The following AMZ1 variants were observed in gnomAD, a reference collection of about 807,000 sequenced individuals.
AMZ1 encodes the protein archaelysin family metallopeptidase 1, also known as archaemetzincin-1.
Under a neutral mutation model 29.9 loss-of-function variants are expected in AMZ1, and 39 were observed. The ratio of observed to expected loss-of-function variants is 1.30; its 90% CI spans 1.01 to 1.70. AMZ1 has a LOEUF of 1.70. Ranked by LOEUF, AMZ1 falls within the 40% of genes most tolerant of loss-of-function variation. The probability of loss-of-function intolerance (pLI) is 0.00; values close to 1 mark genes in which losing one functional copy is unlikely to be tolerated. For missense variants in AMZ1, 1,041 were observed against 680.6 expected (o/e 1.53, Z -5.89); for synonymous variants, 458 against 304.0 (o/e 1.51, Z -5.27).
At chr7:2,686,228 G>A (rs1384889003), upstream of AMZ1, among the ~76,000 whole-genome samples, 1 of 152,168 alleles carries the variant, frequency 6.6e-6, no homozygotes, top group East Asian at 1.9e-4. Context: ...TATGTGACGT[G>A]AATCCCTTAA....
In AMZ1 at chr7:2,718,275, A is replaced by C. The variant is rs1231418616; in HGVS notation, c.*5397A>C. 6.6e-6 allele frequency among the ~76,000 whole-genome samples: 1 copy of C among 151,918 alleles called. No individual in the cohort carries two copies. Among genetic ancestry groups the C allele is most frequent in the African/African-American group, 2.4e-5 (1 of 41,340 alleles). On this transcript the variant is annotated 3_prime_UTR_variant, in exon 7 of 7. Coordinates refer to ENST00000683327, the MANE Select transcript of AMZ1 (RefSeq NM_001384743.1). ...TCTCCTGACTGTGGGCCCAGTGTCC[A>C]TTTTCTCTCTCAGGCAGGGTGCTCT...
In AMZ1 at chr7:2,716,780, A is replaced by G. The variant is rs1181315375; in HGVS notation, c.*3902A>G. On this transcript the variant is annotated 3_prime_UTR_variant, in exon 7 of 7. Transcript: ENST00000683327. ...CTCCACCGCTTAAGGGGTCCTTCCTATGTAACGGAATTTTTTTACATCATC... is the reference window on the plus strand; with the variant it reads ...CTCCACCGCTTAAGGGGTCCTTCCTGTGTAACGGAATTTTTTTACATCATC... Among the ~76,000 whole-genome samples the G allele has an allele frequency of 6.6e-6, 1 of 152,272 alleles. No individual in the cohort carries two copies. Among genetic ancestry groups the G allele is most frequent in the East Asian group, 1.9e-4 (1 of 5,180 alleles).
At chr7:2,688,654 C>G (rs3996378) in intron 1 of AMZ1, among the ~76,000 whole-genome samples, 41,606 of 152,060 alleles carry the variant, frequency 0.27, 5,859 homozygotes, top group East Asian at 0.38. Context: ...CAGGGCCAAG[C>G]GCCCGAAAGA....
chr7:2,682,666 A>G (rs1786926068), intron 1 of AMZ1, among the ~76,000 whole-genome samples: 1 of 152,030 alleles, frequency 6.6e-6, no homozygotes, highest in Non-Finnish European at 1.5e-5. Context: ...GTGTCGGGCC[A>G]TGGAAACCCC....
rs1043395000 is a variant in AMZ1 at position 2,717,529 on chromosome 7, G to A, written c.*4651G>A. Among the ~76,000 whole-genome samples the A allele has an allele frequency of 6.6e-6, 1 of 152,196 alleles. No homozygotes were observed. Among genetic ancestry groups the A allele is most frequent in the East Asian group, 1.9e-4 (1 of 5,188 alleles). ...GAGCTGAAATCTAGCTGTGATCCCT[G>A]TGGGGCAACTGCACACAGAGGTGCC... On this transcript the variant is annotated 3_prime_UTR_variant, in exon 7 of 7. Transcript: ENST00000683327.
intron 4 of AMZ1, among the ~76,000 whole-genome samples, chr7:2,742,556 C>T (rs185257378): frequency 8.5e-4 from 129 of 152,312 alleles, no homozygotes; most frequent in African/African-American, 3.0e-3. Context: ...TCTGTCCTCG[C>T]TTACTTTGGT....
At chr7:2,754,952 A>G (rs1791220331) in intron 4 of AMZ1, among the ~76,000 whole-genome samples, 1 of 152,156 alleles carries the variant, frequency 6.6e-6, no homozygotes, top group South Asian at 2.1e-4. Context: ...ACTCAGTTTG[A>G]ATTAATTTTG....
intron 1 of AMZ1, among the ~76,000 whole-genome samples, chr7:2,699,816 G>A (rs1055837890): frequency 6.6e-6 from 1 of 151,858 alleles, no homozygotes; most frequent in Non-Finnish European, 1.5e-5. Flanking sequence ...AGGGGAGGAG[G>A]TCTCTCTTCC....
chr7:2,723,779 C>T (rs985578298), downstream of AMZ1, among the ~76,000 whole-genome samples: 4 of 152,236 alleles, frequency 2.6e-5, no homozygotes, highest in African/African-American at 4.8e-5. Context: ...ACTCCCTCTG[C>T]GCCTGGAGCT....
chr7:2,756,241 C>G (rs1298740813), intron 4 of AMZ1, among the ~76,000 whole-genome samples: 1 of 152,024 alleles, frequency 6.6e-6, no homozygotes, highest in Non-Finnish European at 1.5e-5. Flanking sequence ...AACTGGTGAT[C>G]TGCACATAAC....
At chr7:2,726,033 A>C (rs1276126343) in intron 4 of AMZ1, among the ~76,000 whole-genome samples, 1 of 152,244 alleles carries the variant, frequency 6.6e-6, no homozygotes, top group Non-Finnish European at 1.5e-5. Context: ...GCTGCTGTGC[A>C]AATTAAGCAA....
At chr7:2,709,894 A>G (rs897146258) in intron 6 of AMZ1, 78 bp downstream of exon 6, 1 of 1,559,130 alleles carries the variant, frequency 6.4e-7, no homozygotes, top group African/African-American at 1.4e-5. Context: ...GAGGCTACGC[A>G]GGGCATGGGG....
chr7:2,688,687 G>C (rs1433984496), intron 1 of AMZ1, among the ~76,000 whole-genome samples: 1 of 152,188 alleles, frequency 6.6e-6, no homozygotes, highest in African/African-American at 2.4e-5. Flanking sequence ...GCTGGGGCGA[G>C]CCAGGTGGGT....
chr7:2,683,879 CT>C (rs1786976552), upstream of AMZ1, among the ~76,000 whole-genome samples: 1 of 150,914 alleles, frequency 6.6e-6, no homozygotes, highest in Non-Finnish European at 1.5e-5. Flanking sequence ...CTTTCTCTCT[CT>C]TTTTAAAAAA....
intron 1 of AMZ1, among the ~76,000 whole-genome samples, chr7:2,680,729 G>C (rs56240822): frequency 0.025 from 3,823 of 152,340 alleles, 49 homozygotes; most frequent in Middle Eastern, 0.037. Flanking sequence ...ACAGAGTTGG[G>C]GCCCCTCACG....
At chr7:2,696,296 A>T (rs142738915) in intron 1 of AMZ1, among the ~76,000 whole-genome samples, 7 of 137,698 alleles carry the variant, frequency 5.1e-5, no homozygotes, top group African/African-American at 1.1e-4. Context: ...TCGCTCTGTC[A>T]CCCAGGCTGG....
intron 1 of AMZ1, among the ~76,000 whole-genome samples, chr7:2,696,492 C>T (rs113397442): frequency 0.036 from 5,454 of 150,850 alleles, 137 homozygotes; most frequent in Non-Finnish European, 0.053. Flanking sequence ...CTCCTGACCT[C>T]GTGATCTGCC....
intron 1 of AMZ1, among the ~76,000 whole-genome samples, chr7:2,692,267 G>A (rs964045788): frequency 3.2e-4 from 48 of 152,184 alleles, no homozygotes; most frequent in Non-Finnish European, 2.4e-4. Context: ...TTGGCCGGGC[G>A]TGGTGGCTCA....
Position 2,709,645 on chromosome 7 carries a change from G to A in AMZ1, c.777G>A (p.Thr259=), listed in dbSNP as rs777299173. 49 of 1,608,214 alleles carry A rather than the reference G, an allele frequency of 3.0e-5. No individual in the cohort carries two copies. The highest frequency in any genetic ancestry group is 1.1e-4 in the East Asian group (5 of 44,838). Residue 259 remains threonine (T), a synonymous_variant, in exon 6 of 7, where the codon ACG becomes ACA. Coordinates refer to ENST00000683327, the MANE Select transcript of AMZ1 (RefSeq NM_001384743.1). The part of the protein sequence containing the change: ...ALGMVQCCKV[T]CHELCHLLGL... ...CTTGGTGGCCTTCCCCCCAGGTCAC[G>A]TGCCACGAGCTCTGCCACCTTCTGG...
Sources: allele counts gnomAD v4.1 joint callset (sites outside exome capture counted in the v4.1 genomes callset), GRCh38; gene constraint gnomAD v4.1.1; transcripts MANE v1.5; gene names NCBI Gene and HGNC (gene_info 2026-07-23, HGNC 2026-07-21).